The following LINC00305 variants were observed in gnomAD, a reference collection of about 807,000 sequenced individuals.
LINC00305 encodes the protein long intergenic non-protein coding RNA 305.
At chr18:64,142,725 C>A (rs548475785) in intron 1 of LINC00305, among the ~76,000 whole-genome samples, 1 of 152,250 alleles carries the variant, frequency 6.6e-6, no homozygotes, top group African/African-American at 2.4e-5. Context: ...GCGCCCTATT[C>A]CACTCCTTGT....
intron 1 of LINC00305, among the ~76,000 whole-genome samples, chr18:64,126,160 T>C (rs2051384171): frequency 6.6e-6 from 1 of 152,072 alleles, no homozygotes; most frequent in Admixed American, 6.6e-5. Flanking sequence ...AATTAGATGG[T>C]GATGATAGCT....
chr18:64,137,363 C>T (rs565901965), intron 1 of LINC00305, among the ~76,000 whole-genome samples: 16 of 152,318 alleles, frequency 1.1e-4, no homozygotes, highest in Non-Finnish European at 1.5e-4. Context: ...TATTTTAAGC[C>T]GCCCAGTTTG....
At chr18:64,097,110 T>A (rs1718491102) in intron 3 of LINC00305, among the ~76,000 whole-genome samples, 1 of 152,056 alleles carries the variant, frequency 6.6e-6, no homozygotes, top group Admixed American at 6.6e-5. Flanking sequence ...TATAAAGTTA[T>A]GTTAGTGTAA....
At chr18:64,120,518 A>T (rs900053413) in intron 1 of LINC00305, among the ~76,000 whole-genome samples, 36 of 151,488 alleles carry the variant, frequency 2.4e-4, no homozygotes, top group African/African-American at 8.0e-4. Context: ...TAGTCGTCGA[A>T]ATTGTTGAGT....
chr18:64,094,000 C>T (rs17072548), intron 3 of LINC00305, among the ~76,000 whole-genome samples: 4,104 of 152,148 alleles, frequency 0.027, 162 homozygotes, highest in African/African-American at 0.094. Flanking sequence ...AATAGTTTTC[C>T]GCTGAAGGGA....
intron 1 of LINC00305, among the ~76,000 whole-genome samples, chr18:64,136,197 TTG>T (rs1346696652): frequency 1.3e-5 from 2 of 152,142 alleles, no homozygotes; most frequent in Admixed American, 6.6e-5. Context: ...TCCTTACTGA[TTG>T]TGTGTGTATG....
chr18:64,146,792 G>T (rs1347543073), intron 1 of LINC00305, among the ~76,000 whole-genome samples: 1 of 152,138 alleles, frequency 6.6e-6, no homozygotes, highest in Non-Finnish European at 1.5e-5. Context: ...TAATGGAAGT[G>T]CTGAGAATTT....
intron 1 of LINC00305, among the ~76,000 whole-genome samples, chr18:64,143,609 C>CACATATGT: frequency 9.5e-6 from 1 of 105,372 alleles, no homozygotes; most frequent in Non-Finnish European, 2.0e-5. Context: ...TGTATATGTA[C>CACATATGT]ATATGTACAC....
chr18:64,116,474 C>G (rs182073903), intron 1 of LINC00305, among the ~76,000 whole-genome samples: 36 of 152,172 alleles, frequency 2.4e-4, no homozygotes, highest in Non-Finnish European at 3.8e-4. Flanking sequence ...CGTTGAGTTC[C>G]TCTGTTTCTG....
intron 3 of LINC00305, chr18:64,080,426 A>T (rs1339924248): frequency 6.9e-6 from 3 of 435,834 alleles, no homozygotes; most frequent in Non-Finnish European, 1.4e-5. Flanking sequence ...AGTAATCCAC[A>T]TTATTGCAGT....
chr18:64,101,419 C>CT (rs2051267600), intron 1 of LINC00305, among the ~76,000 whole-genome samples: 4 of 152,110 alleles, frequency 2.6e-5, no homozygotes, highest in Admixed American at 2.6e-4. Context: ...AAAAATGTTG[C>CT]TAGCTTCTGG....
intron 1 of LINC00305, among the ~76,000 whole-genome samples, chr18:64,132,785 G>A (rs1373671044): frequency 6.6e-6 from 1 of 152,174 alleles, no homozygotes; most frequent in Non-Finnish European, 1.5e-5. Flanking sequence ...TTTGCTGTGG[G>A]CATAGCAGTG....
intron 1 of LINC00305, among the ~76,000 whole-genome samples, chr18:64,131,029 A>G (rs78186719): frequency 2.0e-4 from 31 of 152,282 alleles, no homozygotes; most frequent in Non-Finnish European, 1.8e-4. Flanking sequence ...TCACAGACCA[A>G]TGAAAAGGGG....
rs143218250 is a variant in LINC00305 at position 64,128,673 on chromosome 18, C to T, written n.314+20102G>A. On this transcript the variant is annotated intron_variant and non_coding_transcript_variant, in intron 1 of 3. Coordinates refer to ENST00000666468, the Ensembl canonical transcript of LINC00305. ...CACTCTAGACTTACATACACTGCTGCGTGTATGGGCATGGCCATACCAATT... is the reference window on the plus strand; with the variant it reads ...CACTCTAGACTTACATACACTGCTGTGTGTATGGGCATGGCCATACCAATT... Among the ~76,000 whole-genome samples, 777 of 152,118 alleles carry T rather than the reference C, an allele frequency of 5.1e-3. 17 individuals carry two copies. Among genetic ancestry groups the T allele is most frequent in the African/African-American group, 0.017 (722 of 41,512 alleles).
chr18:64,105,524 T>G (rs1232753472), intron 1 of LINC00305, among the ~76,000 whole-genome samples: 4 of 152,066 alleles, frequency 2.6e-5, no homozygotes, highest in Admixed American at 1.3e-4. Flanking sequence ...TAAAAACCCC[T>G]CAAATTGTAT....
chr18:64,127,877 A>G (rs1373010832), intron 1 of LINC00305, among the ~76,000 whole-genome samples: 2 of 152,020 alleles, frequency 1.3e-5, no homozygotes, highest in Non-Finnish European at 2.9e-5. Flanking sequence ...TTTTATTCTC[A>G]TGTAGAGGGC....
chr18:64,133,489 G>A (rs1291862529), intron 1 of LINC00305, among the ~76,000 whole-genome samples: 1 of 152,146 alleles, frequency 6.6e-6, no homozygotes, highest in South Asian at 2.1e-4. Flanking sequence ...AGTCATAAGT[G>A]ACTCCTCATT....
chr18:64,136,144 A>G (rs1216913712), intron 1 of LINC00305, among the ~76,000 whole-genome samples: 1 of 152,182 alleles, frequency 6.6e-6, no homozygotes, highest in Non-Finnish European at 1.5e-5. Context: ...AGGCAGTTCC[A>G]TAGGCTTTAA....
At chr18:64,080,861 C>A (rs1014496195) in intron 3 of LINC00305, among the ~76,000 whole-genome samples, 1 of 152,100 alleles carries the variant, frequency 6.6e-6, no homozygotes, top group Admixed American at 6.5e-5. Context: ...ATCACCTTCA[C>A]TTATTTTAAA....
Sources: gnomAD v4.1 joint callset for allele counts (sites outside exome capture counted in the v4.1 genomes callset) on GRCh38, gnomAD v4.1.1 for gene constraint, MANE v1.5 for transcripts, NCBI Gene and HGNC (gene_info 2026-07-23, HGNC 2026-07-21) for gene names.